The following PDE4B variants were observed in gnomAD, a reference collection of about 807,000 sequenced individuals.
The protein encoded by PDE4B is 3',5'-cyclic-AMP phosphodiesterase 4B.
A neutral mutation model predicts 82.2 loss-of-function variants in PDE4B; 20 were observed. The ratio of observed to expected loss-of-function variants is 0.24; its 90% CI spans 0.17 to 0.35. PDE4B has a LOEUF of 0.35. PDE4B is among the 10% of genes least tolerant of loss of function. The probability of loss-of-function intolerance (pLI) is 1.00; values close to 1 mark genes in which losing one functional copy is unlikely to be tolerated. For synonymous variants in PDE4B, 320 were observed against 318.9 expected, an observed-to-expected ratio of 1.00 and a Z score of -0.04; for missense variants, 655 against 907.2, an observed-to-expected ratio of 0.72 and a Z score of 3.57.
At chr1:65,948,929 C>T (rs186139986) in intron 3 of PDE4B, among the ~76,000 whole-genome samples, 5 of 152,154 alleles carry the variant, frequency 3.3e-5, no homozygotes, top group East Asian at 3.9e-4. Context: ...TCTGCCGTCA[C>T]GTATCTCTTT....
chr1:65,882,278 A>G (rs1646716795), intron 1 of PDE4B, among the ~76,000 whole-genome samples: 2 of 152,144 alleles, frequency 1.3e-5, no homozygotes. Context: ...CAATTACTAA[A>G]CTGAAGCTGT....
At chr1:66,168,689 G>C (rs1646782862) in intron 3 of PDE4B, among the ~76,000 whole-genome samples, 1 of 152,212 alleles carries the variant, frequency 6.6e-6, no homozygotes. Flanking sequence ...TGTTCAGCTG[G>C]TTAACGATGT....
chr1:66,146,200 TTGAGACGGA>T (rs1646266979), intron 3 of PDE4B, among the ~76,000 whole-genome samples: 1 of 141,320 alleles, frequency 7.1e-6, no homozygotes, highest in Non-Finnish European at 1.5e-5. Context: ...TTTTTTTTTT[TTGAGACGGA>T]GTCTCACTCT....
At chr1:66,191,923 G>A (rs772526715) in intron 3 of PDE4B, among the ~76,000 whole-genome samples, 1 of 152,032 alleles carries the variant, frequency 6.6e-6, no homozygotes, top group Non-Finnish European at 1.5e-5. Context: ...ATAGTATGGG[G>A]GAAAACACCC....
intron 3 of PDE4B, among the ~76,000 whole-genome samples, chr1:65,928,222 G>T (rs758019295): frequency 2.6e-5 from 4 of 152,130 alleles, no homozygotes; most frequent in Middle Eastern, 3.2e-3. Context: ...AGGAGTTCTG[G>T]GTCTGTAAAC....
chr1:65,862,848 A>T (rs1646470066), intron 1 of PDE4B, among the ~76,000 whole-genome samples: 1 of 152,086 alleles, frequency 6.6e-6, no homozygotes, highest in Non-Finnish European at 1.5e-5. Context: ...AGAGGTGTTT[A>T]TAGTATTCTT....
intron 8 of PDE4B, among the ~76,000 whole-genome samples, chr1:66,340,466 T>C (rs1570727810): frequency 6.6e-6 from 1 of 152,206 alleles, no homozygotes; most frequent in African/African-American, 2.4e-5. Flanking sequence ...TAATTAATTG[T>C]AATTTTAAAA....
intron 3 of PDE4B, among the ~76,000 whole-genome samples, chr1:65,948,135 G>A (rs867007249): frequency 2.0e-5 from 3 of 151,478 alleles, no homozygotes; most frequent in Non-Finnish European, 4.4e-5. Flanking sequence ...ATGAACAAAG[G>A]GTTCTGCCAA....
chr1:66,199,931 C>A (rs1281578037), intron 3 of PDE4B, among the ~76,000 whole-genome samples: 2 of 152,102 alleles, frequency 1.3e-5, no homozygotes, highest in African/African-American at 4.8e-5. Context: ...AGGCCTATGT[C>A]CTGAATAGTA....
At chr1:66,282,403 A>T (rs1337001680) in intron 7 of PDE4B, among the ~76,000 whole-genome samples, 1 of 152,206 alleles carries the variant, frequency 6.6e-6, no homozygotes, top group East Asian at 1.9e-4. Context: ...ACATATCTCC[A>T]GTGCATTACT....
intron 3 of PDE4B, among the ~76,000 whole-genome samples, chr1:66,100,981 C>T (rs1456390967): frequency 1.3e-5 from 2 of 152,184 alleles, no homozygotes; most frequent in African/African-American, 4.8e-5. Context: ...TCCCTCCATC[C>T]TCCCCCCACC....
intron 3 of PDE4B, among the ~76,000 whole-genome samples, chr1:66,153,727 T>G (rs1255569450): frequency 6.6e-6 from 1 of 152,198 alleles, no homozygotes; most frequent in Non-Finnish European, 1.5e-5. Flanking sequence ...ATTCTGGCTG[T>G]AGAAGTGCAG....
At chr1:66,233,419 C>T (rs1473808752) in intron 3 of PDE4B, among the ~76,000 whole-genome samples, 1 of 151,930 alleles carries the variant, frequency 6.6e-6, no homozygotes, top group Middle Eastern at 3.2e-3. Flanking sequence ...TTTTACTATG[C>T]CAATGCTACA....
chr1:65,900,894 G>T (rs575334735), intron 1 of PDE4B, among the ~76,000 whole-genome samples: 1 of 152,068 alleles, frequency 6.6e-6, no homozygotes, highest in South Asian at 2.1e-4. Context: ...TACTCATATT[G>T]TCAGCGAAGA....
chr1:66,246,055 A>G (rs1198094250), intron 3 of PDE4B, among the ~76,000 whole-genome samples: 1 of 152,170 alleles, frequency 6.6e-6, no homozygotes. Context: ...TCAGTTATCT[A>G]TTGGGCCATT....
At chr1:65,885,839 A>AC (rs1273683017) in intron 1 of PDE4B, among the ~76,000 whole-genome samples, 1 of 149,190 alleles carries the variant, frequency 6.7e-6, no homozygotes, top group Non-Finnish European at 1.5e-5. Flanking sequence ...GTGCACATGT[A>AC]CCCTAAAACT....
At chr1:65,883,819 G>C (rs896024091) in intron 1 of PDE4B, among the ~76,000 whole-genome samples, 7 of 152,116 alleles carry the variant, frequency 4.6e-5, no homozygotes, top group African/African-American at 1.2e-4. Flanking sequence ...TTATTATTTT[G>C]AGATACGTCC....
intron 3 of PDE4B, chr1:66,094,581 T>G (rs1256707646): frequency 6.6e-6 from 1 of 152,032 alleles, no homozygotes; most frequent in Non-Finnish European, 1.5e-5. Flanking sequence ...GCCACTCTCT[T>G]GGCTTACGAA....
intron 3 of PDE4B, among the ~76,000 whole-genome samples, chr1:66,149,168 T>G (rs57391741): frequency 0.089 from 13,524 of 152,268 alleles, 1,304 homozygotes; most frequent in African/African-American, 0.23. Flanking sequence ...TTAGCTACCC[T>G]AGTGAGTGTT....
Sources: allele counts gnomAD v4.1 joint callset (sites outside exome capture counted in the v4.1 genomes callset), GRCh38; gene constraint gnomAD v4.1.1; transcripts MANE v1.5; gene names NCBI Gene and HGNC (gene_info 2026-07-23, HGNC 2026-07-21).